Variants in DIS3L2 observed in about 807,000 individuals in gnomAD.
DIS3L2 encodes DIS3 like 3'-5' exoribonuclease 2.
DIS3L2 carries 34 observed loss-of-function variants against 97.5 expected under a neutral mutation model. The ratio of observed to expected loss-of-function variants is 0.35; its 90% CI spans 0.27 to 0.46. The LOEUF (loss-of-function observed/expected upper bound fraction) is 0.46, where lower values mean the gene tolerates loss of function less well. Ranked by LOEUF, DIS3L2 falls within the 20% of genes least tolerant of loss-of-function variation. The pLI is 1.00. For synonymous variants in DIS3L2, 435 were observed against 445.2 expected, an observed-to-expected ratio of 0.98 and a Z score of 0.29; for missense variants, 1,038 against 1,146.0, an observed-to-expected ratio of 0.91 and a Z score of 1.36.
intron 4 of DIS3L2, among the ~76,000 whole-genome samples, chr2:232,026,210 A>T (rs1420536098): frequency 6.6e-6 from 1 of 152,190 alleles, no homozygotes; most frequent in East Asian, 1.9e-4. Context: ...CAAATATTGA[A>T]AAGTTAGACA....
intron 6 of DIS3L2, among the ~76,000 whole-genome samples, chr2:232,103,902 G>A (rs1697280965): frequency 6.6e-6 from 1 of 152,036 alleles, no homozygotes; most frequent in Non-Finnish European, 1.5e-5. Context: ...TACATTTTGA[G>A]CACATACTGT....
Position 232,336,860 on chromosome 2 carries a change from C to T in DIS3L2, c.*230C>T, listed in dbSNP as rs1352642443. ...GCAGTGACCCCAGCAGAGCAGGCCCCAGTCCTCCTGGGAGGCTGGCCCCCC... is the reference window on the plus strand; with the variant it reads ...GCAGTGACCCCAGCAGAGCAGGCCCTAGTCCTCCTGGGAGGCTGGCCCCCC... On this transcript the variant is annotated 3_prime_UTR_variant, in exon 21 of 21. Coordinates refer to ENST00000325385, the MANE Select transcript of DIS3L2 (RefSeq NM_152383.5). The T allele has an allele frequency of 2.9e-6, 4 of 1,364,680 alleles. No individual in the cohort carries two copies. Among genetic ancestry groups the T allele is most frequent in the Non-Finnish European group, 3.8e-6 (4 of 1,060,912 alleles). 84.5% of individuals were successfully genotyped at this position (1,364,680 alleles called of 1,614,324 possible).
At chr2:232,204,820 C>T (rs1307046782) in intron 9 of DIS3L2, among the ~76,000 whole-genome samples, 1 of 152,158 alleles carries the variant, frequency 6.6e-6, no homozygotes, top group Admixed American at 6.5e-5. Flanking sequence ...GTGCTGAGGC[C>T]AGCAGCTCCT....
At chr2:232,342,270 T>C (rs974740145) in intron 13 of DIS3L2, among the ~76,000 whole-genome samples, 7 of 151,444 alleles carry the variant, frequency 4.6e-5, no homozygotes, top group Admixed American at 1.3e-4. Context: ...CATACACATA[T>C]ACATATATAC....
chr2:232,286,482 T>A (rs1694436937), intron 13 of DIS3L2, among the ~76,000 whole-genome samples: 1 of 152,220 alleles, frequency 6.6e-6, no homozygotes, highest in African/African-American at 2.4e-5. Context: ...TTGTAGAAAT[T>A]ACTCAGGTTT....
chr2:232,316,044 T>A (rs893203321), intron 14 of DIS3L2, among the ~76,000 whole-genome samples: 1 of 152,148 alleles, frequency 6.6e-6, no homozygotes, highest in Admixed American at 6.5e-5. Context: ...GCAGAGGACA[T>A]GGCTCATCAC....
intron 13 of DIS3L2, among the ~76,000 whole-genome samples, chr2:232,264,749 G>T (rs1008723570): frequency 6.6e-6 from 1 of 152,204 alleles, no homozygotes; most frequent in Admixed American, 6.5e-5. Context: ...CCTCCCTTTT[G>T]CAACAGACTT....
At chr2:232,227,368 T>A (rs989329997) in intron 10 of DIS3L2, among the ~76,000 whole-genome samples, 1 of 152,214 alleles carries the variant, frequency 6.6e-6, no homozygotes, top group African/African-American at 2.4e-5. Context: ...TGACACAAGG[T>A]GTCTGACCTC....
At chr2:232,134,339 A>T (rs931403374) in intron 7 of DIS3L2, among the ~76,000 whole-genome samples, 2 of 152,208 alleles carry the variant, frequency 1.3e-5, no homozygotes, top group African/African-American at 4.8e-5. Context: ...AAAGTTGTAT[A>T]ACAATGTATA....
intron 5 of DIS3L2, among the ~76,000 whole-genome samples, chr2:232,043,016 C>T (rs1695151289): frequency 6.6e-6 from 1 of 152,178 alleles, no homozygotes; most frequent in Non-Finnish European, 1.5e-5. Context: ...GAGTGTACCA[C>T]ATTTACTGAC....
At chr2:232,207,458 C>T (rs1462025649) in intron 9 of DIS3L2, among the ~76,000 whole-genome samples, 3 of 152,206 alleles carry the variant, frequency 2.0e-5, no homozygotes, top group South Asian at 2.1e-4. Context: ...CCTCGGAGCA[C>T]GCATTCCAGG....
At chr2:232,069,132 G>A (rs1427641744) in intron 5 of DIS3L2, among the ~76,000 whole-genome samples, 2 of 152,034 alleles carry the variant, frequency 1.3e-5, no homozygotes, top group African/African-American at 4.8e-5. Flanking sequence ...TTATTTTTTA[G>A]TGAGGTCCAG....
At chr2:232,262,895 T>C (rs2106280488) in intron 12 of DIS3L2, among the ~76,000 whole-genome samples, 1 of 152,294 alleles carries the variant, frequency 6.6e-6, no homozygotes, top group Admixed American at 6.5e-5. Flanking sequence ...TCGACATTGA[T>C]GCCCACTCAC....
chr2:232,221,263 G>A (rs957386540), intron 10 of DIS3L2, among the ~76,000 whole-genome samples: 5 of 152,074 alleles, frequency 3.3e-5, no homozygotes, highest in Admixed American at 1.3e-4. Context: ...TTTAAGCATC[G>A]TTTTTTGTTA....
intron 10 of DIS3L2, among the ~76,000 whole-genome samples, chr2:232,221,124 T>G (rs1025711655): frequency 8.1e-5 from 11 of 135,022 alleles, no homozygotes; most frequent in Non-Finnish European, 1.3e-4. Flanking sequence ...AAAAAAAAGT[T>G]TGTTTTTAAT....
intron 14 of DIS3L2, among the ~76,000 whole-genome samples, chr2:232,317,583 C>A (rs1695310014): frequency 6.6e-6 from 1 of 151,888 alleles, no homozygotes. Flanking sequence ...ATTACAGGTG[C>A]CCTCCACCAC....
intron 1 of DIS3L2, among the ~76,000 whole-genome samples, chr2:231,975,553 A>C (rs958089641): frequency 1.8e-4 from 28 of 151,746 alleles, no homozygotes; most frequent in African/African-American, 6.5e-4. Flanking sequence ...AAATGCAAAA[A>C]AGTTAGCCAG....
intron 6 of DIS3L2, among the ~76,000 whole-genome samples, chr2:232,098,198 C>T (rs544189199): frequency 1.4e-4 from 22 of 152,106 alleles, no homozygotes; most frequent in Non-Finnish European, 1.5e-5. Flanking sequence ...AAGAAATATA[C>T]ACAGAGGACA....
chr2:232,032,954 G>A (rs1051175388), intron 5 of DIS3L2, among the ~76,000 whole-genome samples: 1 of 152,096 alleles, frequency 6.6e-6, no homozygotes, highest in Non-Finnish European at 1.5e-5. Context: ...TTTTTGCTTA[G>A]GATTGTCTTG....
Sources: gnomAD v4.1 joint callset for allele counts (sites outside exome capture counted in the v4.1 genomes callset) on GRCh38, gnomAD v4.1.1 for gene constraint, MANE v1.5 for transcripts, NCBI Gene and HGNC (gene_info 2026-07-23, HGNC 2026-07-21) for gene names.